MGAT4C: variants seen among roughly 807,000 people sequenced by gnomAD.
MGAT4C encodes MGAT4 family member C.
Under a neutral mutation model 40.1 loss-of-function variants are expected in MGAT4C, and 19 were observed. That is an observed-to-expected ratio of 0.47 (90% CI 0.33 to 0.70). The LOEUF (loss-of-function observed/expected upper bound fraction) is 0.70. MGAT4C is among the 30% of genes least tolerant of loss of function. The pLI is 0.02. For synonymous variants in MGAT4C, 181 were observed against 187.1 expected (o/e 0.97, Z 0.27); for missense variants, 491 against 563.2 (o/e 0.87, Z 1.30).
At chr12:86,217,516 A>G (rs907739443) in intron 1 of MGAT4C, among the ~76,000 whole-genome samples, 8 of 152,192 alleles carry the variant, frequency 5.3e-5, no homozygotes, top group African/African-American at 1.9e-4. Flanking sequence ...TTTGTGCCAC[A>G]TTGATAAATT....
chr12:86,426,038 T>G lies in MGAT4C; in HGVS notation c.-120+9119A>C, dbSNP rs180768176. Among the ~76,000 whole-genome samples, 470 of 152,314 alleles carry G rather than the reference T, an allele frequency of 3.1e-3. 1 individual carries two copies. The highest frequency in any genetic ancestry group is 6.8e-3 in the Middle Eastern group (2 of 292). On this transcript the variant is annotated intron_variant, in intron 3 of 7. Transcript: ENST00000548651. ...TCCTCTTTTTATAATAGAAGCAAAC[T>G]ATGTTAATGCAATAAACATATTTAA...
rs551798466 is a variant in MGAT4C at position 85,972,698 on chromosome 12, T to G, written c.*6591A>C. 1 of 151,130 alleles carries G rather than the reference T, an allele frequency of 6.6e-6. No homozygotes were observed. The highest frequency in any genetic ancestry group is 1.5e-5 in the Non-Finnish European group (1 of 67,212). The allele number at this position is 151,130 out of a possible 1,614,324, so 9.4% of individuals were successfully genotyped here. On this transcript the variant is annotated 3_prime_UTR_variant, in exon 5 of 5. Transcript: ENST00000611864. ...TTGAAAACCGGATTACATTAAAGGATGGACAATTATGATAAAGGATCTGAG... is the reference window on the plus strand; with the variant it reads ...TTGAAAACCGGATTACATTAAAGGAGGGACAATTATGATAAAGGATCTGAG...
chr12:86,229,510 G>A (rs567976788), intron 1 of MGAT4C, among the ~76,000 whole-genome samples: 2 of 152,120 alleles, frequency 1.3e-5, no homozygotes, highest in African/African-American at 2.4e-5. Flanking sequence ...GTGTGTGCAT[G>A]TGTATATTGT....
intron 4 of MGAT4C, among the ~76,000 whole-genome samples, chr12:86,326,796 TAATA>T (rs1954538795): frequency 1.3e-5 from 2 of 152,158 alleles, no homozygotes; most frequent in African/African-American, 2.4e-5. Flanking sequence ...TGAAAGCAGT[TAATA>T]AATAATTAAA....
intron 1 of MGAT4C, among the ~76,000 whole-genome samples, chr12:86,152,035 G>A (rs563487347): frequency 4.5e-4 from 69 of 152,250 alleles, no homozygotes; most frequent in Non-Finnish European, 7.2e-4. Context: ...TTGGTACAAC[G>A]ACTTGTTGCT....
At chr12:86,176,218 T>C (rs1178110898) in intron 1 of MGAT4C, among the ~76,000 whole-genome samples, 2 of 152,160 alleles carry the variant, frequency 1.3e-5, no homozygotes, top group Non-Finnish European at 2.9e-5. Context: ...ACATTTCACA[T>C]AGGCCTAAAT....
At chr12:86,771,927 T>A (rs73179391) in intron 1 of MGAT4C, among the ~76,000 whole-genome samples, 13,794 of 152,228 alleles carry the variant, frequency 0.091, 810 homozygotes, top group Middle Eastern at 0.24. Flanking sequence ...TTGTATTTTT[T>A]ATAAAAAGTA....
chr12:86,543,595 C>A (rs1452555412), intron 2 of MGAT4C, among the ~76,000 whole-genome samples: 1 of 151,946 alleles, frequency 6.6e-6, no homozygotes, highest in East Asian at 1.9e-4. Context: ...AAAATTCTAA[C>A]ATAATTTTTT....
chr12:86,630,498 C>A (rs1017254227), intron 2 of MGAT4C, among the ~76,000 whole-genome samples: 2 of 152,056 alleles, frequency 1.3e-5, no homozygotes, highest in Non-Finnish European at 2.9e-5. Context: ...ATGCAAAAAT[C>A]CTCAATAAAA....
intron 3 of MGAT4C, among the ~76,000 whole-genome samples, chr12:86,410,578 T>C (rs1956584303): frequency 6.6e-6 from 1 of 152,170 alleles, no homozygotes; most frequent in East Asian, 1.9e-4. Context: ...ACTGATTTCA[T>C]ATTGTTCAAA....
At chr12:86,268,481 A>C (rs187405659) in intron 4 of MGAT4C, among the ~76,000 whole-genome samples, 5 of 151,994 alleles carry the variant, frequency 3.3e-5, no homozygotes, top group South Asian at 2.1e-4. Flanking sequence ...ACTTCAGTGA[A>C]TGTATATTGA....
intron 2 of MGAT4C, among the ~76,000 whole-genome samples, chr12:86,513,776 A>G (rs1486333926): frequency 6.6e-6 from 1 of 152,162 alleles, no homozygotes; most frequent in Admixed American, 6.6e-5. Context: ...TGGAATATTT[A>G]CTTAAGGAAG....
intron 1 of MGAT4C, among the ~76,000 whole-genome samples, chr12:86,734,646 A>G (rs1219485029): frequency 6.6e-6 from 1 of 152,020 alleles, no homozygotes; most frequent in Non-Finnish European, 1.5e-5. Flanking sequence ...GCACATGAGG[A>G]TACAAAAGAA....
intron 3 of MGAT4C, among the ~76,000 whole-genome samples, chr12:86,363,215 T>C (rs1198652769): frequency 6.6e-6 from 1 of 152,126 alleles, no homozygotes; most frequent in Admixed American, 6.6e-5. Flanking sequence ...ATACATATTA[T>C]TTTAAAATGT....
chr12:86,444,179 T>C (rs1373548480), intron 2 of MGAT4C, among the ~76,000 whole-genome samples: 1 of 152,170 alleles, frequency 6.6e-6, no homozygotes, highest in African/African-American at 2.4e-5. Context: ...AAAATAGTCC[T>C]CATTTTACCT....
rs185712817 is a variant in MGAT4C at position 86,496,462 on chromosome 12, A to G, written c.-228-61197T>C. Among the ~76,000 whole-genome samples the G allele has an allele frequency of 6.9e-4, 105 of 151,086 alleles. 2 individuals carry two copies. The highest frequency in any genetic ancestry group is 2.4e-3 in the African/African-American group (99 of 41,494). ...GAAAATACTGAGATTCACTTTCTCA[A>G]TCTTTTTAGAGAAGGTACATTATAC... On this transcript the variant is annotated intron_variant, in intron 2 of 7. Transcript: ENST00000548651.
At chr12:86,700,152 G>GACAT (rs1396114793) in intron 2 of MGAT4C, among the ~76,000 whole-genome samples, 17 of 28,994 alleles carry the variant, frequency 5.9e-4, no homozygotes, top group African/African-American at 1.4e-3. Flanking sequence ...CAGACAGACA[G>GACAT]ACAGACAGAC....
At chr12:86,631,910 C>A (rs1351686295) in intron 2 of MGAT4C, among the ~76,000 whole-genome samples, 2 of 152,032 alleles carry the variant, frequency 1.3e-5, no homozygotes, top group Non-Finnish European at 1.5e-5. Context: ...CAAATGGGAT[C>A]TAATTAAACT....
intron 1 of MGAT4C, among the ~76,000 whole-genome samples, chr12:86,757,454 T>G (rs1951324850): frequency 6.6e-6 from 1 of 152,144 alleles, no homozygotes; most frequent in Non-Finnish European, 1.5e-5. Flanking sequence ...TTTTTTCACC[T>G]GAAGTAAAGA....
Sources: allele counts gnomAD v4.1 joint callset (sites outside exome capture counted in the v4.1 genomes callset), GRCh38; gene constraint gnomAD v4.1.1; transcripts MANE v1.5; gene names NCBI Gene and HGNC (gene_info 2026-07-23, HGNC 2026-07-21).